Variants in FAM227B observed in about 807,000 individuals in gnomAD.
FAM227B encodes the protein protein FAM227B.
A neutral mutation model predicts 73.8 loss-of-function variants in FAM227B; 88 were observed. That is an observed-to-expected ratio of 1.19 (90% CI 1.00 to 1.42). FAM227B has a LOEUF of 1.42. Ranked by LOEUF, FAM227B falls within the 40% of genes most tolerant of loss-of-function variation. FAM227B has a pLI of 0.00. For synonymous variants in FAM227B, 210 were observed against 190.5 expected (o/e 1.10, Z -0.84); for missense variants, 632 against 590.9 (o/e 1.07, Z -0.72).
At chr15:49,332,061 C>G (rs1730497389) in intron 14 of FAM227B, among the ~76,000 whole-genome samples, 1 of 149,962 alleles carries the variant, frequency 6.7e-6, no homozygotes, top group Non-Finnish European at 1.5e-5. Context: ...GTTCAGACAC[C>G]CACCCCCGCT....
chr15:49,615,296 C>T, intron 1 of FAM227B, 53 bp from the exon 2 acceptor site: 1 of 797,206 alleles, frequency 1.3e-6, no homozygotes, highest in Non-Finnish European at 2.2e-6. Flanking sequence ...GCCAAACAAT[C>T]CCTTTCCCCT....
chr15:49,505,736 G>T (rs12908624), intron 11 of FAM227B, among the ~76,000 whole-genome samples: 1 of 151,632 alleles, frequency 6.6e-6, no homozygotes, highest in Non-Finnish European at 1.5e-5. Context: ...GGAAAACAAA[G>T]AACAGATGGG....
intron 9 of FAM227B, among the ~76,000 whole-genome samples, chr15:49,556,366 G>A (rs2073682149): frequency 6.6e-6 from 1 of 152,202 alleles, no homozygotes; most frequent in African/African-American, 2.4e-5. Context: ...CTCCTGGGCA[G>A]GGTGCTCTAA....
At chr15:49,392,953 G>T (rs1388915226) in intron 11 of FAM227B, among the ~76,000 whole-genome samples, 1 of 152,100 alleles carries the variant, frequency 6.6e-6, no homozygotes, top group Non-Finnish European at 1.5e-5. Flanking sequence ...GAAACTTTTT[G>T]TTAACTGAGT....
intron 13 of FAM227B, among the ~76,000 whole-genome samples, chr15:49,336,786 G>T (rs1232152568): frequency 6.6e-6 from 1 of 152,058 alleles, no homozygotes; most frequent in Non-Finnish European, 1.5e-5. Flanking sequence ...TGAGGTTTGG[G>T]GTCTGAATGA....
chr15:49,541,854 AAT>A (rs772149904), intron 9 of FAM227B, 48 bp from the exon 10 acceptor site: 40 of 1,227,420 alleles, frequency 3.3e-5, no homozygotes, highest in Non-Finnish European at 3.9e-5. Flanking sequence ...TTTAAATTTT[AAT>A]ATATGTCAGC....
At chr15:49,475,988 C>A (rs2055226505) in intron 11 of FAM227B, among the ~76,000 whole-genome samples, 1 of 152,148 alleles carries the variant, frequency 6.6e-6, no homozygotes, top group African/African-American at 2.4e-5. Flanking sequence ...ACTTCCTATT[C>A]CAGACATACA....
In FAM227B at chr15:49,365,880, A is replaced by G. The variant is rs115450768; in HGVS notation, c.1271+1568T>C. 201 of 961,908 alleles carry G rather than the reference A, an allele frequency of 2.1e-4. 1 individual carries two copies. The African/African-American group carries it at 2.9e-3, about 14-fold the overall frequency. The allele number at this position is 961,908 out of a possible 1,614,324, so 59.6% of individuals were successfully genotyped here. The stretch of plus-strand genomic sequence containing the variant: ...TGCATTGTCCATATGGCATCTTATG[A>G]ATTAGTGCAGCAAGAGAGTTGTACA... On this transcript the variant is annotated intron_variant, in intron 13 of 15. Transcript: ENST00000299338.
At chr15:49,331,996 T>G in intron 14 of FAM227B, 147 bp from the exon 15 acceptor site, 2 of 619,322 alleles carry the variant, frequency 3.2e-6, no homozygotes, top group Non-Finnish European at 5.8e-6. Context: ...TTAAAACTTC[T>G]GAAGTAGGTA....
chr15:49,388,145 T>G (rs1463005082), intron 11 of FAM227B, among the ~76,000 whole-genome samples: 2 of 151,812 alleles, frequency 1.3e-5, no homozygotes, highest in Non-Finnish European at 2.9e-5. Context: ...AAAATTCATA[T>G]GGAACCAAAA....
intron 7 of FAM227B, among the ~76,000 whole-genome samples, chr15:49,575,503 CAT>C (rs758094327): frequency 1.3e-5 from 2 of 152,062 alleles, no homozygotes; most frequent in East Asian, 1.9e-4. Context: ...TCATAGAATA[CAT>C]GTTTGTAATT....
intron 3 of FAM227B, among the ~76,000 whole-genome samples, chr15:49,596,269 GA>G (rs1187886623): frequency 6.6e-6 from 1 of 151,948 alleles, no homozygotes; most frequent in Non-Finnish European, 1.5e-5. Flanking sequence ...TTTTTCAGCA[GA>G]AACATTATAA....
intron 8 of FAM227B, among the ~76,000 whole-genome samples, chr15:49,572,760 G>A (rs1165456233): frequency 3.3e-5 from 5 of 152,016 alleles, no homozygotes; most frequent in Admixed American, 3.3e-4. Flanking sequence ...TAAGCCTTTA[G>A]GAGCTGGACT....
chr15:49,525,964 C>A (rs944952305), intron 10 of FAM227B, among the ~76,000 whole-genome samples: 2 of 151,674 alleles, frequency 1.3e-5, no homozygotes, highest in African/African-American at 2.4e-5. Context: ...TGGAGGACTT[C>A]AACACCCCAC....
intron 11 of FAM227B, among the ~76,000 whole-genome samples, chr15:49,496,350 G>A (rs2057603647): frequency 6.6e-6 from 1 of 152,106 alleles, no homozygotes; most frequent in Non-Finnish European, 1.5e-5. Context: ...ATCCAACAAA[G>A]AGAAAAAACT....
At chr15:49,620,099 C>T (rs975698673) in intron 1 of FAM227B, 5 of 152,190 alleles carry the variant, frequency 3.3e-5, no homozygotes, top group Non-Finnish European at 7.3e-5. Context: ...TTGAAAAACA[C>T]TGTCCTAAAC....
At position 49,476,232 on chromosome 15, in the gene FAM227B, G is replaced by GTTTTTTTTTTTTT; in HGVS notation, c.1012+31966_1012+31978dup. The stretch of plus-strand genomic sequence containing the variant: ...TTGCTGTTTTGTTTTTTTGTTTTTG[G>GTTTTTTTTTTTTT]TTTTTTTTTTTTTGCATTTGGCATA... On this transcript the variant is annotated intron_variant, in intron 11 of 15. Transcript: ENST00000299338. Among the ~76,000 whole-genome samples the GTTTTTTTTTTTTT allele has an allele frequency of 8.7e-3, 496 of 57,158 alleles. 62 individuals are homozygous for GTTTTTTTTTTTTT. The highest frequency in any genetic ancestry group is 0.012 in the Non-Finnish European group (335 of 27,260). 37.5% of individuals were successfully genotyped at this position (57,158 alleles called of 152,430 possible). A position where few individuals can be genotyped will look rare whatever the true frequency, so the allele number is the denominator to read the frequency against.
At chr15:49,587,142 A>G (rs1015179581) in intron 5 of FAM227B, among the ~76,000 whole-genome samples, 1 of 152,208 alleles carries the variant, frequency 6.6e-6, no homozygotes, top group Non-Finnish European at 1.5e-5. Flanking sequence ...ACGGAATACT[A>G]TGCAGCCCTA....
intron 11 of FAM227B, among the ~76,000 whole-genome samples, chr15:49,377,478 C>T (rs903662054): frequency 2.0e-5 from 3 of 152,056 alleles, no homozygotes; most frequent in African/African-American, 7.2e-5. Context: ...TTTACATTTC[C>T]ACAAACAGTG....
Sources: gnomAD v4.1 joint callset for allele counts (sites outside exome capture counted in the v4.1 genomes callset) on GRCh38, gnomAD v4.1.1 for gene constraint, MANE v1.5 for transcripts, NCBI Gene and HGNC (gene_info 2026-07-23, HGNC 2026-07-21) for gene names.